The following TMEM9 variants were observed in gnomAD, a reference collection of about 807,000 sequenced individuals.
TMEM9 encodes proton-transporting V-type ATPase complex assembly regulator TMEM9.
Under a neutral mutation model 22.8 loss-of-function variants are expected in TMEM9, and 13 were observed. The ratio of observed to expected loss-of-function variants is 0.57; its 90% CI spans 0.37 to 0.91. The LOEUF is 0.91. TMEM9 is among the 40% of genes least tolerant of loss of function. The pLI is 0.01. For synonymous variants in TMEM9, 88 were observed against 93.0 expected (o/e 0.95, Z 0.31); for missense variants, 182 against 238.1 (o/e 0.76, Z 1.55).
chr1:201,135,954 C>T lies in TMEM9; in HGVS notation c.400-139G>A, dbSNP rs904260354. Reference sequence around the variant, plus strand: ...GGAGGCTGGGCCTCCCCAAGTGCTGCAGGCTGAGGACCTTGCCTTGTCATC... The same window carrying T: ...GGAGGCTGGGCCTCCCCAAGTGCTGTAGGCTGAGGACCTTGCCTTGTCATC... On this transcript the variant is annotated intron_variant, in intron 4 of 4. Transcript: ENST00000367330. 7.8e-5 allele frequency: 65 copies of T among 832,170 alleles called. No homozygotes were observed. The African/African-American group carries it at 1.0e-3, about 13-fold the overall frequency. 51.5% of individuals were successfully genotyped at this position (832,170 alleles called of 1,614,324 possible).
chr1:201,135,815 C>T lies in TMEM9; in HGVS notation c.400G>A (p.Asp134Asn), dbSNP rs1663940195. 3.1e-6 allele frequency: 5 copies of T among 1,596,720 alleles called. No homozygotes were observed. The Admixed American group carries it at 5.3e-5, about 17-fold the overall frequency. The change falls in exon 5 of 5, where the codon GAT becomes AAT. Residue 134 changes from aspartate to asparagine, a missense_variant and splice_region_variant. Asp to Asn is a conservative substitution (Grantham distance 23, BLOSUM62 1). Transcript: ENST00000367330. ...GCAGCTGCTGCCATAGAGCGAGCAT[C>T]CTGTAGTGGGAAGAAAAAAAGAGAA... is the stretch of plus-strand genomic sequence containing the variant. The part of the protein sequence containing the change: ...EQLHNEEENE[D>N]ARSMAAAAAS...
At chr1:201,165,436 T>C (rs1666049760) in intron 1 of TMEM9, among the ~76,000 whole-genome samples, 2 of 94,452 alleles carry the variant, frequency 2.1e-5, no homozygotes, top group African/African-American at 7.5e-5. Flanking sequence ...TAATTTTCTT[T>C]TTCTTTCTTT....
intron 2 of TMEM9, among the ~76,000 whole-genome samples, chr1:201,147,648 A>C (rs1380792521): frequency 2.6e-5 from 4 of 152,164 alleles, no homozygotes; most frequent in Non-Finnish European, 5.9e-5. Flanking sequence ...GTGGTTTTCC[A>C]GAATGCAACT....
chr1:201,149,649 G>A (rs80209962), intron 2 of TMEM9, among the ~76,000 whole-genome samples: 2 of 152,176 alleles, frequency 1.3e-5, no homozygotes, highest in East Asian at 1.9e-4. Context: ...CCTGAGGACC[G>A]CATGTCAGAT....
chr1:201,167,511 G>A (rs1167467553), intron 1 of TMEM9, among the ~76,000 whole-genome samples: 1 of 152,318 alleles, frequency 6.6e-6, no homozygotes, highest in South Asian at 2.1e-4. Context: ...CTACAACAGT[G>A]ACGTTATCTG....
chr1:201,136,124 A>G (rs747185060), intron 4 of TMEM9, among the ~76,000 whole-genome samples: 4 of 152,192 alleles, frequency 2.6e-5, no homozygotes, highest in Non-Finnish European at 5.9e-5. Flanking sequence ...AGTTACTGCC[A>G]CACAGCTAGC....
chr1:201,136,875 G>A (rs995881184), intron 4 of TMEM9, among the ~76,000 whole-genome samples: 2 of 152,252 alleles, frequency 1.3e-5, no homozygotes, highest in African/African-American at 2.4e-5. Flanking sequence ...CCCAGTAAAT[G>A]CAACTTTGCT....
chr1:201,163,232 A>C (rs1665991264), intron 1 of TMEM9, among the ~76,000 whole-genome samples: 1 of 152,170 alleles, frequency 6.6e-6, no homozygotes, highest in African/African-American at 2.4e-5. Flanking sequence ...AGCTGCAGTG[A>C]ACCATGGTCA....
intron 2 of TMEM9, 81 bp downstream of exon 2, chr1:201,151,680 C>T: frequency 9.9e-7 from 1 of 1,014,726 alleles, no homozygotes; most frequent in South Asian, 1.3e-5. Flanking sequence ...GCATGCTTAT[C>T]CTCCAGGGTC....
chr1:201,147,342 T>C (rs528431140), intron 2 of TMEM9, among the ~76,000 whole-genome samples: 2 of 152,266 alleles, frequency 1.3e-5, no homozygotes, highest in East Asian at 3.9e-4. Flanking sequence ...TCCTGCAAAC[T>C]GGCTCCCCAT....
At chr1:201,158,631 C>T (rs977914748), upstream of TMEM9, among the ~76,000 whole-genome samples, 1 of 152,094 alleles carries the variant, frequency 6.6e-6, no homozygotes, top group Admixed American at 6.5e-5. Flanking sequence ...GAGCCCCTGG[C>T]TCGGGGCTCA....
rs1240853712 is a variant in TMEM9 at position 201,153,014 on chromosome 1, G to A, written c.66+844C>T. ...GGACCCACTTTCTGGTCCCTCTACT[G>A]CTTCAGATACTACTTCTCACCTAAA... On this transcript the variant is annotated intron_variant, in intron 1 of 4. Transcript: ENST00000367330. 2.0e-5 allele frequency among the ~76,000 whole-genome samples: 3 copies of A among 152,194 alleles called. No individual in the cohort carries two copies. The East Asian group carries it at 5.8e-4, about 29-fold the overall frequency.
chr1:201,151,660 G>T, intron 2 of TMEM9, 101 bp downstream of exon 2: 2 of 832,788 alleles, frequency 2.4e-6, no homozygotes, highest in Non-Finnish European at 2.1e-6. Context: ...CTCTCCATAG[G>T]AATGGGAGAG....
intron 1 of TMEM9, among the ~76,000 whole-genome samples, chr1:201,166,507 C>T (rs1192187925): frequency 1.3e-5 from 2 of 151,966 alleles, no homozygotes; most frequent in East Asian, 3.9e-4. Flanking sequence ...AAACTGCAGG[C>T]ACCTGCCACC....
intron 1 of TMEM9, among the ~76,000 whole-genome samples, chr1:201,162,395 C>G (rs1239126108): frequency 6.6e-6 from 1 of 151,914 alleles, no homozygotes; most frequent in African/African-American, 2.4e-5. Flanking sequence ...CCTCGGCCTC[C>G]CAAAGTGCTG....
At chr1:201,145,010 C>T (rs1431628726) in intron 3 of TMEM9, 1 of 152,300 alleles carries the variant, frequency 6.6e-6, no homozygotes, top group Non-Finnish European at 1.5e-5. Context: ...AGCTGGGTGC[C>T]CCGCTCAGCC....
upstream of TMEM9, among the ~76,000 whole-genome samples, chr1:201,158,247 C>G (rs1665853055): frequency 6.6e-6 from 1 of 152,168 alleles, no homozygotes; most frequent in East Asian, 1.9e-4. Flanking sequence ...GATTTTAGTT[C>G]AAGAGAACAC....
At chr1:201,148,340 C>T (rs1436513566) in intron 2 of TMEM9, among the ~76,000 whole-genome samples, 1 of 152,208 alleles carries the variant, frequency 6.6e-6, no homozygotes, top group Non-Finnish European at 1.5e-5. Context: ...CCCAGCCTTC[C>T]TCAGATCAGC....
At chr1:201,162,408 A>G (rs2102293488) in intron 1 of TMEM9, among the ~76,000 whole-genome samples, 1 of 152,184 alleles carries the variant, frequency 6.6e-6, no homozygotes, top group Middle Eastern at 3.4e-3. Flanking sequence ...AAGTGCTGGG[A>G]TTCCAGGCAT....
Sources: gnomAD v4.1 joint callset for allele counts (sites outside exome capture counted in the v4.1 genomes callset) on GRCh38, gnomAD v4.1.1 for gene constraint, MANE v1.5 for transcripts, NCBI Gene and HGNC (gene_info 2026-07-23, HGNC 2026-07-21) for gene names.